NCOA3: variants seen among roughly 807,000 people sequenced by gnomAD.
The protein encoded by NCOA3 is CBP-interacting protein.
A neutral mutation model predicts 158.8 loss-of-function variants in NCOA3; 51 were observed. The observed-to-expected ratio is 0.32, with a 90% CI of 0.26 to 0.41. The LOEUF is 0.41. Among genes scored for constraint, NCOA3 ranks in the 10% least tolerant of loss-of-function variants. The pLI is 1.00. For missense variants in NCOA3, 1,510 were observed against 1,746.6 expected, an observed-to-expected ratio of 0.86 and a Z score of 2.41; for synonymous variants, 537 against 592.4, an observed-to-expected ratio of 0.91 and a Z score of 1.36.
At chr20:47,636,995 A>T (rs1239235678) in intron 12 of NCOA3, among the ~76,000 whole-genome samples, 3 of 152,142 alleles carry the variant, frequency 2.0e-5, no homozygotes, top group Non-Finnish European at 4.4e-5. Context: ...AAATTTTTTC[A>T]TGGAGGTGTT....
At chr20:47,611,075 C>T (rs2086034781) in intron 2 of NCOA3, among the ~76,000 whole-genome samples, 1 of 152,110 alleles carries the variant, frequency 6.6e-6, no homozygotes, top group African/African-American at 2.4e-5. Context: ...TGTTTGGTTA[C>T]CAGGTGGCTA....
At position 47,642,193 on chromosome 20, in the gene NCOA3, G is replaced by T; in HGVS notation, c.3081-20G>T. Reference sequence around the variant, plus strand: ...AAAAAAAAAAAGCACCATTGACATTGATTGCAAGTCTTTTTCTAGGCCTCT... The same window carrying T: ...AAAAAAAAAAAGCACCATTGACATTTATTGCAAGTCTTTTTCTAGGCCTCT... On this transcript the variant is annotated intron_variant, in intron 16 of 22. Transcript: ENST00000371998. 6.5e-7 allele frequency: 1 copy of T among 1,533,796 alleles called. No homozygotes were observed. The highest frequency in any genetic ancestry group is 2.3e-5 in the Admixed American group (1 of 44,104).
At chr20:47,510,276 T>C (rs1019815435) in intron 1 of NCOA3, among the ~76,000 whole-genome samples, 27 of 151,062 alleles carry the variant, frequency 1.8e-4, no homozygotes, top group African/African-American at 6.6e-4. Context: ...ACTAAAAATA[T>C]AAAAAAATTA....
chr20:47,570,968 AC>A (rs1163884340), intron 1 of NCOA3, among the ~76,000 whole-genome samples: 4 of 131,976 alleles, frequency 3.0e-5, no homozygotes, highest in East Asian at 2.2e-4. Flanking sequence ...ACACACACAC[AC>A]AAGTATATAC....
At chr20:47,630,083 C>T (rs934280583) in intron 8 of NCOA3, among the ~76,000 whole-genome samples, 3 of 152,110 alleles carry the variant, frequency 2.0e-5, no homozygotes, top group African/African-American at 4.8e-5. Context: ...TTTTTATGGA[C>T]ATCTGTTTTG....
chr20:47,580,077 T>G (rs545937331), intron 1 of NCOA3, among the ~76,000 whole-genome samples: 1 of 152,276 alleles, frequency 6.6e-6, no homozygotes, highest in Admixed American at 6.5e-5. Flanking sequence ...CTTTACATGA[T>G]CTTCCACCTG....
intron 1 of NCOA3, among the ~76,000 whole-genome samples, chr20:47,540,401 C>G (rs771553279): frequency 4.0e-5 from 6 of 151,794 alleles, no homozygotes; most frequent in Non-Finnish European, 7.4e-5. Context: ...TAGTGAAACC[C>G]CCCTCTACTA....
intron 1 of NCOA3, among the ~76,000 whole-genome samples, chr20:47,533,938 C>CAA (rs894594555): frequency 3.4e-4 from 51 of 151,878 alleles, no homozygotes; most frequent in African/African-American, 1.2e-3. Context: ...AAAACAAAAA[C>CAA]AAACGAAAAA....
intron 6 of NCOA3, 50 bp downstream of exon 6, chr20:47,627,226 C>A: frequency 7.1e-7 from 1 of 1,408,680 alleles, no homozygotes; most frequent in Non-Finnish European, 9.7e-7. Context: ...TTTTCCTTGA[C>A]CATTTCTTAG....
At position 47,655,762 on chromosome 20, in the gene NCOA3, A is replaced by C. The variant is rs1256060668; in HGVS notation, c.*2345A>C. 1 of 152,588 alleles carries C rather than the reference A, an allele frequency of 6.6e-6. No homozygotes were observed. The highest frequency in any genetic ancestry group is 2.4e-5 in the African/African-American group (1 of 41,434). 9.5% of individuals were successfully genotyped at this position (152,588 alleles called of 1,614,324 possible). On this transcript the variant is annotated 3_prime_UTR_variant, in exon 23 of 23. Coordinates refer to ENST00000371998, the MANE Select transcript of NCOA3 (RefSeq NM_181659.3). ...TCTTATCTTTCTTGACTTTAAAAAAATTATTAAAAACAAAAAAAAAATAAA... is the reference window on the plus strand; with the variant it reads ...TCTTATCTTTCTTGACTTTAAAAAACTTATTAAAAACAAAAAAAAAATAAA...
chr20:47,537,279 G>A (rs1337925328), intron 1 of NCOA3, among the ~76,000 whole-genome samples: 4 of 152,038 alleles, frequency 2.6e-5, no homozygotes, highest in East Asian at 1.9e-4. Context: ...TTTCAGTTAC[G>A]TTCTTTACTT....
intron 1 of NCOA3, among the ~76,000 whole-genome samples, chr20:47,557,630 A>G (rs1433512939): frequency 6.6e-6 from 1 of 152,214 alleles, no homozygotes; most frequent in Non-Finnish European, 1.5e-5. Context: ...TAATATAGTC[A>G]GATAATACAT....
At chr20:47,584,211 C>T (rs1448789444) in intron 2 of NCOA3, among the ~76,000 whole-genome samples, 12 of 152,098 alleles carry the variant, frequency 7.9e-5, no homozygotes, top group Admixed American at 7.2e-4. Context: ...TGGGAGATTG[C>T]TTGATCTCAG....
chr20:47,636,308 CCCTAGATTCAAGTTGT>C lies in NCOA3; in HGVS notation c.1923_1938del (p.Leu642LysfsTer52). The C allele has an allele frequency of 6.2e-7, 1 of 1,614,188 alleles. No individual in the cohort carries two copies. Among genetic ancestry groups the C allele is most frequent in the Non-Finnish European group, 8.5e-7 (1 of 1,180,038 alleles). ...GGTCATTCCTCCTTGACCAACTCCC[CCCTAGATTCAAGTTGT>C]AAAGAATCTTCTGTTAGTGTCACCA... is the stretch of plus-strand genomic sequence containing the variant. On this transcript the variant is annotated frameshift_variant, in exon 12 of 23. Coordinates refer to ENST00000371998, the MANE Select transcript of NCOA3 (RefSeq NM_181659.3). LOFTEE classifies it high-confidence loss of function.
intron 1 of NCOA3, among the ~76,000 whole-genome samples, chr20:47,556,709 AGATGGGGTTTCAT>A (rs2085013529): frequency 6.6e-6 from 1 of 152,136 alleles, no homozygotes. Context: ...TTTTTAATAG[AGATGGGGTTTCAT>A]CATGTTGGCC....
rs770487690 is a variant in NCOA3 at position 47,635,704 on chromosome 20, C to T, written c.1495C>T (p.Pro499Ser). ...AAAGATAGCCTCACATCAGTTTTCT[C>T]CTGTTGCAGGTATTTGTGTTGACAT... ...SPKIASHQFS[P>S]VAGVHSPMAS... The change falls in exon 11 of 23, where the codon CCT (proline) becomes TCT (serine). Residue 499 changes from proline to serine, a missense_variant. Physicochemically the swap from Pro to Ser is moderately conservative, Grantham distance 74. Coordinates refer to ENST00000371998, the MANE Select transcript of NCOA3 (RefSeq NM_181659.3). 7 of 1,612,436 alleles carry T rather than the reference C, an allele frequency of 4.3e-6. No individual in the cohort carries two copies. The South Asian group carries it at 7.7e-5, about 18-fold the overall frequency.
intron 1 of NCOA3, among the ~76,000 whole-genome samples, chr20:47,542,555 T>C (rs766663829): frequency 1.1e-4 from 17 of 152,200 alleles, no homozygotes; most frequent in Non-Finnish European, 1.6e-4. Flanking sequence ...CAGCATTTAT[T>C]GGTCCCAGCA....
At chr20:47,576,089 T>C (rs755080108) in intron 1 of NCOA3, among the ~76,000 whole-genome samples, 1 of 152,200 alleles carries the variant, frequency 6.6e-6, no homozygotes, top group Non-Finnish European at 1.5e-5. Flanking sequence ...CCTGAGTTTA[T>C]TGTACAGTTA....
chr20:47,516,965 A>G (rs924300938), intron 1 of NCOA3, among the ~76,000 whole-genome samples: 22 of 151,738 alleles, frequency 1.4e-4, no homozygotes, highest in African/African-American at 4.8e-4. Context: ...ACTCACATCT[A>G]TAATCCCAGC....
Sources: allele counts gnomAD v4.1 joint callset (sites outside exome capture counted in the v4.1 genomes callset), GRCh38; gene constraint gnomAD v4.1.1; transcripts MANE v1.5; gene names NCBI Gene and HGNC (gene_info 2026-07-23, HGNC 2026-07-21).